The following SPATA13 variants were observed in gnomAD, a reference collection of about 807,000 sequenced individuals.
The protein encoded by SPATA13 is spermatogenesis-associated protein 13.
In SPATA13, 50 loss-of-function variants were observed where a neutral mutation model predicts 104.0. The observed-to-expected ratio is 0.48, with a 90% CI of 0.38 to 0.61. The LOEUF (loss-of-function observed/expected upper bound fraction) is 0.61. Among genes scored for constraint, SPATA13 ranks in the 20% least tolerant of loss-of-function variants. The pLI is 0.00. For synonymous variants in SPATA13, 606 were observed against 667.5 expected (o/e 0.91, Z 1.42); for missense variants, 1,524 against 1,690.6 (o/e 0.90, Z 1.73).
intron 3 of SPATA13, among the ~76,000 whole-genome samples, chr13:24,050,480 A>G (rs1016935542): frequency 2.6e-5 from 4 of 152,130 alleles, no homozygotes; most frequent in African/African-American, 7.2e-5. Flanking sequence ...AGGATTCGAG[A>G]CCCAGGAGCC....
chr13:24,284,376 G>A (rs947890892), intron 5 of SPATA13, 105 bp downstream of exon 5: 16 of 1,227,626 alleles, frequency 1.3e-5, no homozygotes, highest in Admixed American at 5.2e-5. Flanking sequence ...AAGCATGTCC[G>A]AAAACCTGGA....
In SPATA13 at chr13:24,223,901, G is replaced by A; in HGVS notation, c.972G>A (p.Val324=). The A allele has an allele frequency of 6.4e-7, 1 of 1,551,650 alleles. No homozygotes were observed. Among genetic ancestry groups the A allele is most frequent in the African/African-American group, 1.4e-5 (1 of 73,166 alleles). Residue 324 remains valine (V), a synonymous_variant, in exon 2 of 13, where the codon GTG becomes GTA. Coordinates refer to ENST00000382108, the MANE Select transcript of SPATA13 (RefSeq NM_001166271.3). ...ACTTTGACAGAGTCTTCAAACTTGT[G>A]AGCAATGTGACTGAGGCTGCCTGGA... The part of the protein sequence containing the change: ...AKDFDRVFKL[V]SNVTEAAWRR...
intron 1 of SPATA13, among the ~76,000 whole-genome samples, chr13:24,167,600 T>C (rs372477660): frequency 6.1e-4 from 93 of 152,290 alleles, no homozygotes; most frequent in African/African-American, 2.1e-3. Context: ...TGAATGGGAA[T>C]GTTATGTGAA....
chr13:24,039,169 C>A (rs900769044), intron 3 of SPATA13, among the ~76,000 whole-genome samples: 1 of 152,316 alleles, frequency 6.6e-6, no homozygotes, highest in East Asian at 1.9e-4. Context: ...ATGAATAAAA[C>A]GTTCATGGTG....
At chr13:24,302,459 CAAAAAAAAAAA>C (rs71070678) in intron 12 of SPATA13, 128 bp from the exon 13 acceptor site, 18,455 of 191,842 alleles carry the variant, frequency 0.096, 144 homozygotes, top group East Asian at 0.15. Context: ...GACCCTGTCT[CAAAAAAAAAAA>C]AAAAAAAAAA....
intron 1 of SPATA13, among the ~76,000 whole-genome samples, chr13:24,220,273 T>G (rs981640369): frequency 4.6e-5 from 7 of 152,176 alleles, no homozygotes; most frequent in African/African-American, 1.7e-4. Context: ...GGCCCTTGTT[T>G]CCTTCTTGGT....
chr13:24,071,123 C>T (rs143668207), intron 3 of SPATA13, among the ~76,000 whole-genome samples: 50 of 152,204 alleles, frequency 3.3e-4, no homozygotes, highest in Middle Eastern at 6.8e-3. Context: ...ACTAGGGATG[C>T]GTAGAAAACT....
intron 3 of SPATA13, among the ~76,000 whole-genome samples, chr13:24,095,431 G>T (rs1273323078): frequency 6.6e-6 from 1 of 152,094 alleles, no homozygotes; most frequent in East Asian, 1.9e-4. Context: ...CAGAATAGGG[G>T]AGTTAAATTT....
chr13:24,218,102 A>G (rs1164166561), intron 1 of SPATA13, among the ~76,000 whole-genome samples: 1 of 152,176 alleles, frequency 6.6e-6, no homozygotes, highest in African/African-American at 2.4e-5. Context: ...AGGACATTCA[A>G]CATCTCCTCA....
chr13:24,228,516 T>C (rs1253980882), intron 2 of SPATA13, among the ~76,000 whole-genome samples: 1 of 152,196 alleles, frequency 6.6e-6, no homozygotes, highest in East Asian at 1.9e-4. Flanking sequence ...GTGTTACTTG[T>C]AGAGAAGTGC....
At chr13:24,132,758 G>A (rs906860938) in intron 3 of SPATA13, among the ~76,000 whole-genome samples, 5 of 152,092 alleles carry the variant, frequency 3.3e-5, no homozygotes, top group African/African-American at 9.7e-5. Context: ...TGGATCACCT[G>A]AGGTCAAGAG....
chr13:24,253,588 TTGAACA>T (rs1425238744), intron 4 of SPATA13, among the ~76,000 whole-genome samples: 3 of 152,196 alleles, frequency 2.0e-5, no homozygotes, highest in African/African-American at 7.2e-5. Flanking sequence ...ATTTCAGCAT[TTGAACA>T]GATTCCATAA....
At chr13:24,201,170 C>T (rs1268058021) in intron 1 of SPATA13, among the ~76,000 whole-genome samples, 1 of 152,178 alleles carries the variant, frequency 6.6e-6, no homozygotes, top group Admixed American at 6.5e-5. Flanking sequence ...GCACAAGGGG[C>T]GGGTTTCCAA....
chr13:24,271,170 A>G (rs1289319369), intron 4 of SPATA13, among the ~76,000 whole-genome samples: 2 of 151,940 alleles, frequency 1.3e-5, no homozygotes, highest in Admixed American at 6.6e-5. Context: ...CAGTTGAAGA[A>G]ATTGGTTTTG....
intron 1 of SPATA13, among the ~76,000 whole-genome samples, chr13:24,210,162 T>G (rs1870933071): frequency 6.6e-6 from 1 of 152,230 alleles, no homozygotes; most frequent in African/African-American, 2.4e-5. Flanking sequence ...TTTGAGATCC[T>G]CATCTATTAT....
intron 1 of SPATA13, among the ~76,000 whole-genome samples, chr13:24,213,427 C>T (rs766677694): frequency 1.3e-5 from 2 of 152,030 alleles, no homozygotes; most frequent in African/African-American, 2.4e-5. Context: ...CCACCATGCC[C>T]GGCTAATTTT....
At chr13:24,264,965 G>A (rs2138685197) in intron 4 of SPATA13, among the ~76,000 whole-genome samples, 1 of 152,326 alleles carries the variant, frequency 6.6e-6, no homozygotes, top group East Asian at 1.9e-4. Flanking sequence ...TGATGAAGGG[G>A]TTCATTGAAG....
At chr13:24,221,362 T>G (rs1593432290) in intron 1 of SPATA13, among the ~76,000 whole-genome samples, 1 of 152,190 alleles carries the variant, frequency 6.6e-6, no homozygotes, top group African/African-American at 2.4e-5. Flanking sequence ...TCTTTTATGG[T>G]TATTATCATA....
Position 24,289,128 on chromosome 13 carries a change from A to G in SPATA13, c.2797A>G (p.Asn933Asp). ...TCTGAAAGACCTTGAGAAACAGTACAACAAAGAGGAACCTCACTTAAGTGA... is the reference window on the plus strand; with the variant it reads ...TCTGAAAGACCTTGAGAAACAGTACGACAAAGAGGAACCTCACTTAAGTGA... ...KFLKDLEKQY[N>D]KEEPHLSEIG... is the part of the protein sequence containing the mutation. Residue 933 changes from asparagine to aspartate, a missense_variant, in exon 8 of 13, where the codon AAC (asparagine) becomes GAC (aspartate). Around this residue, in one of 2 missense-constraint regions of SPATA13, gnomAD observed 435 missense variants for 554.8 expected, o/e 0.78. Coordinates refer to ENST00000382108, the MANE Select transcript of SPATA13 (RefSeq NM_001166271.3). 3 of 1,612,628 alleles carry G rather than the reference A, an allele frequency of 1.9e-6. No individual in the cohort carries two copies. The highest frequency in any genetic ancestry group is 2.5e-6 in the Non-Finnish European group (3 of 1,179,686).
Sources: gnomAD v4.1 joint callset for allele counts (sites outside exome capture counted in the v4.1 genomes callset) on GRCh38, gnomAD v4.1.1 for gene constraint, gnomAD v4.1.1 regional missense constraint, MANE v1.5 for transcripts, NCBI Gene and HGNC (gene_info 2026-07-23, HGNC 2026-07-21) for gene names.